Variants in NALF1 observed in about 807,000 individuals in gnomAD.
NALF1 encodes the protein family with sequence similarity 155 member A.
In NALF1, 3 loss-of-function variants were observed where a neutral mutation model predicts 48.4. The observed-to-expected ratio is 0.06, with a 90% confidence interval of 0.03 to 0.16. The LOEUF is 0.16. Among genes scored for constraint, NALF1 ranks in the 10% least tolerant of loss-of-function variants. NALF1 has a pLI of 1.00. For synonymous variants in NALF1, 262 were observed against 245.7 expected, an observed-to-expected ratio of 1.07 and a Z score of -0.62; for missense variants, 526 against 571.5, an observed-to-expected ratio of 0.92 and a Z score of 0.81.
rs545061786 is a variant in NALF1 at position 107,317,267 on chromosome 13, A to G, written c.916-106512T>C. ...GACCCATGCATAAAATCATTTATTG[A>G]GACATGCATATGTGTCTAAGAATAC... On this transcript the variant is annotated intron_variant, in intron 1 of 2. Transcript: ENST00000375915. 3.3e-5 allele frequency among the ~76,000 whole-genome samples: 5 copies of G among 152,214 alleles called. No homozygotes were observed. In the South Asian group the frequency reaches 6.2e-4, roughly 19 times the overall value.
At position 107,436,107 on chromosome 13, in the gene NALF1, G is replaced by T. The variant is rs549128628; in HGVS notation, c.916-225352C>A. ...CGGCAACAGTAAGCTATTAGCCAGT[G>T]AATTTTGTGCATGGATTAATATATT... On this transcript the variant is annotated intron_variant, in intron 1 of 2. Coordinates refer to ENST00000375915, the MANE Select transcript of NALF1 (RefSeq NM_001080396.3). Among the ~76,000 whole-genome samples, 253 of 152,286 alleles carry T rather than the reference G, an allele frequency of 1.7e-3. 1 individual carries two copies. Among genetic ancestry groups the T allele is most frequent in the South Asian group, 0.012 (58 of 4,832 alleles).
intron 1 of NALF1, among the ~76,000 whole-genome samples, chr13:107,463,956 T>C (rs1884958811): frequency 2.0e-5 from 3 of 152,168 alleles, no homozygotes; most frequent in Non-Finnish European, 2.9e-5. Flanking sequence ...GTTTCAATAA[T>C]AGATCTTTAT....
At chr13:107,390,352 A>G (rs77788314) in intron 1 of NALF1, among the ~76,000 whole-genome samples, 14 of 139,102 alleles carry the variant, frequency 1.0e-4, no homozygotes, top group Admixed American at 6.3e-4. Flanking sequence ...CTCAAAAAAG[A>G]AAAAAAAAAA....
At chr13:107,333,495 A>C (rs1034398071) in intron 1 of NALF1, among the ~76,000 whole-genome samples, 1 of 152,194 alleles carries the variant, frequency 6.6e-6, no homozygotes, top group Admixed American at 6.5e-5. Context: ...TTGGAGACAG[A>C]CCTGTGGAGG....
intron 1 of NALF1, among the ~76,000 whole-genome samples, chr13:107,716,689 T>C (rs1875831509): frequency 3.3e-5 from 5 of 152,202 alleles, no homozygotes. Flanking sequence ...ACAGGATTTT[T>C]CATTACATGA....
chr13:107,760,556 T>C (rs1337468617), intron 1 of NALF1, among the ~76,000 whole-genome samples: 1 of 152,358 alleles, frequency 6.6e-6, no homozygotes, highest in East Asian at 1.9e-4. Flanking sequence ...AAGTGGACCC[T>C]AACTATTCTT....
rs1279916800 is a variant in NALF1 at position 107,865,742 on chromosome 13, C to A, written c.855G>T (p.Val285=). The A allele has an allele frequency of 9.3e-6, 15 of 1,614,092 alleles. No homozygotes were observed. The highest frequency in any genetic ancestry group is 1.2e-5 in the Non-Finnish European group (14 of 1,180,022). Residue 285 remains valine, a synonymous_variant, in exon 1 of 3, where the codon GTG becomes GTT. Transcript: ENST00000375915. ...AQEKYEEFES[V]LHKYLQSEEY... ...CCTCCGACTGTAAATATTTGTGGAG[C>A]ACGCTTTCAAACTCTTCGTATTTCT... is the stretch of plus-strand genomic sequence containing the variant.
intron 1 of NALF1, among the ~76,000 whole-genome samples, chr13:107,255,716 G>A (rs1374498106): frequency 6.6e-6 from 1 of 152,098 alleles, no homozygotes; most frequent in African/African-American, 2.4e-5. Context: ...CTTTAATGTT[G>A]TTATTATTAT....
intron 1 of NALF1, among the ~76,000 whole-genome samples, chr13:107,514,433 C>CTATT (rs1183497402): frequency 7.2e-6 from 1 of 139,140 alleles, no homozygotes; most frequent in African/African-American, 2.9e-5. Flanking sequence ...ATCTATCTAT[C>CTATT]TATCTATCTA....
intron 1 of NALF1, among the ~76,000 whole-genome samples, chr13:107,478,141 G>A (rs969703136): frequency 6.6e-6 from 1 of 152,076 alleles, no homozygotes; most frequent in Non-Finnish European, 1.5e-5. Context: ...CTTAAATGAA[G>A]CCATTCTTGC....
chr13:107,496,047 T>C (rs770296792), intron 1 of NALF1, among the ~76,000 whole-genome samples: 1 of 152,160 alleles, frequency 6.6e-6, no homozygotes, highest in Non-Finnish European at 1.5e-5. Context: ...GAAATATATG[T>C]ATATTTTAAT....
At chr13:107,827,185 ATT>A (rs1640268840) in intron 1 of NALF1, among the ~76,000 whole-genome samples, 3 of 152,340 alleles carry the variant, frequency 2.0e-5, no homozygotes, top group Admixed American at 6.5e-5. Flanking sequence ...AATCAATATT[ATT>A]TGAGTCATCT....
At chr13:107,318,348 T>C (rs1418734783) in intron 1 of NALF1, among the ~76,000 whole-genome samples, 7 of 152,118 alleles carry the variant, frequency 4.6e-5, no homozygotes, top group Admixed American at 4.6e-4. Context: ...ACAGAATGTG[T>C]CACTGCCCTA....
chr13:107,438,839 A>AAAAAAAAAAAAAAAAAAAAT (rs1884506592), intron 1 of NALF1, among the ~76,000 whole-genome samples: 1 of 147,310 alleles, frequency 6.8e-6, no homozygotes, highest in Non-Finnish European at 1.5e-5. Context: ...AAAAAAAAAA[A>AAAAAAAAAAAAAAAAAAAAT]AAAAAAAAAA....
At chr13:107,306,957 CA>C (rs528533864) in intron 1 of NALF1, among the ~76,000 whole-genome samples, 1 of 151,494 alleles carries the variant, frequency 6.6e-6, no homozygotes, top group East Asian at 1.9e-4. Flanking sequence ...GAGCTTGTCT[CA>C]AAAAAAACAA....
At chr13:107,286,176 T>A (rs1194025350) in intron 1 of NALF1, among the ~76,000 whole-genome samples, 3 of 152,140 alleles carry the variant, frequency 2.0e-5, no homozygotes, top group African/African-American at 7.2e-5. Context: ...ATAAAATGGT[T>A]CGGCGGCTGT....
chr13:107,693,955 C>T (rs530391019), intron 1 of NALF1, among the ~76,000 whole-genome samples: 1 of 152,212 alleles, frequency 6.6e-6, no homozygotes, highest in African/African-American at 2.4e-5. Context: ...GAGAGGGAAC[C>T]ATTAAATCGT....
intron 1 of NALF1, among the ~76,000 whole-genome samples, chr13:107,686,982 C>T (rs1174305944): frequency 6.6e-6 from 1 of 152,116 alleles, no homozygotes; most frequent in Non-Finnish European, 1.5e-5. Flanking sequence ...TAGTTTTAAT[C>T]AAAAAGTCAC....
chr13:107,749,813 T>TTG (rs1876883923), intron 1 of NALF1, among the ~76,000 whole-genome samples: 1 of 126,334 alleles, frequency 7.9e-6, no homozygotes, highest in Admixed American at 9.7e-5. Context: ...TGTGGTGGTT[T>TTG]GTTTGTTTGT....
Sources: allele counts gnomAD v4.1 joint callset (sites outside exome capture counted in the v4.1 genomes callset), GRCh38; gene constraint gnomAD v4.1.1; transcripts MANE v1.5; gene names NCBI Gene and HGNC (gene_info 2026-07-23, HGNC 2026-07-21).